Variants in MAGI2 observed in about 807,000 individuals in gnomAD.
MAGI2 encodes membrane-associated guanylate kinase, WW and PDZ domain-containing protein 2.
A neutral mutation model predicts 133.3 loss-of-function variants in MAGI2; 35 were observed. That is an observed-to-expected ratio of 0.26 (90% confidence interval 0.20 to 0.35). The LOEUF (loss-of-function observed/expected upper bound fraction) is 0.35, where lower values mean the gene tolerates loss of function less well. Among genes scored for constraint, MAGI2 ranks in the 10% least tolerant of loss-of-function variants. MAGI2 has a pLI of 1.00. For missense variants in MAGI2, 1,636 were observed against 1,863.4 expected, an observed-to-expected ratio of 0.88 and a Z score of 2.25; for synonymous variants, 729 against 710.6, an observed-to-expected ratio of 1.03 and a Z score of -0.41.
intron 1 of MAGI2, among the ~76,000 whole-genome samples, chr7:79,181,535 A>AT (rs879528430): frequency 6.6e-6 from 1 of 151,278 alleles, no homozygotes; most frequent in African/African-American, 2.4e-5. Flanking sequence ...CCACAAAACT[A>AT]TTTTTTCCCC....
intron 2 of MAGI2, among the ~76,000 whole-genome samples, chr7:78,793,939 A>T (rs1405197556): frequency 6.6e-6 from 1 of 152,210 alleles, no homozygotes; most frequent in Non-Finnish European, 1.5e-5. Context: ...GTATTTAAAC[A>T]AAATATGCTG....
intron 2 of MAGI2, among the ~76,000 whole-genome samples, chr7:78,634,506 A>T (rs1380161568): frequency 2.6e-5 from 4 of 152,186 alleles, no homozygotes; most frequent in Non-Finnish European, 5.9e-5. Flanking sequence ...ATCTGTGAAC[A>T]CCTCTTTGGA....
At chr7:78,579,427 T>C (rs1007534577) in intron 3 of MAGI2, among the ~76,000 whole-genome samples, 1 of 152,142 alleles carries the variant, frequency 6.6e-6, no homozygotes, top group Admixed American at 6.5e-5. Flanking sequence ...CTCTTTGCCT[T>C]CCATTTACCT....
chr7:78,853,099 G>A (rs907568422), intron 2 of MAGI2, among the ~76,000 whole-genome samples: 2 of 151,988 alleles, frequency 1.3e-5, no homozygotes, highest in Non-Finnish European at 2.9e-5. Flanking sequence ...AGGCAAGATG[G>A]AGATCAGGGG....
chr7:78,351,003 T>TA lies in MAGI2; in HGVS notation c.1104-4961dup, dbSNP rs549730689. Among the ~76,000 whole-genome samples, 478 of 152,220 alleles carry TA rather than the reference T, an allele frequency of 3.1e-3. 1 individual carries two copies. Among genetic ancestry groups the TA allele is most frequent in the Non-Finnish European group, 5.0e-3 (341 of 68,008 alleles). Reference sequence around the variant, plus strand: ...CTTGACTTCAGTTAACATTTAGAAATAATCAATGTGGAAGAGAGAAGGGAG... The same window carrying TA: ...CTTGACTTCAGTTAACATTTAGAAATAAATCAATGTGGAAGAGAGAAGGGAG... On this transcript the variant is annotated intron_variant, in intron 7 of 21. Transcript: ENST00000354212.
At chr7:78,442,557 T>G (rs913317233) in intron 6 of MAGI2, among the ~76,000 whole-genome samples, 1 of 152,200 alleles carries the variant, frequency 6.6e-6, no homozygotes, top group African/African-American at 2.4e-5. Flanking sequence ...GGAAACAGAT[T>G]GTGCTTTGCT....
chr7:79,453,537 G>A lies in MAGI2; in HGVS notation c.-217C>T. 1 of 1,360,904 alleles carries A rather than the reference G, an allele frequency of 7.3e-7. No individual in the cohort carries two copies. The highest frequency in any genetic ancestry group is 9.4e-7 in the Non-Finnish European group (1 of 1,060,468). The allele number at this position is 1,360,904 out of a possible 1,614,324, so 84.3% of individuals were successfully genotyped here. On this transcript the variant is annotated 5_prime_UTR_variant, in exon 1 of 22. Transcript: ENST00000354212. Reference sequence around the variant, plus strand: ...GGCTGGGCAGAGGTAGGAGAGCTTGGATGAGGTTGTGCTGTCCCTTGAATG... The same window carrying A: ...GGCTGGGCAGAGGTAGGAGAGCTTGAATGAGGTTGTGCTGTCCCTTGAATG...
intron 2 of MAGI2, among the ~76,000 whole-genome samples, chr7:78,873,313 G>A (rs1180151908): frequency 6.6e-6 from 1 of 152,152 alleles, no homozygotes; most frequent in Non-Finnish European, 1.5e-5. Flanking sequence ...GAATCTGGCT[G>A]CACAGCAGGA....
In MAGI2 at chr7:78,931,036, T is replaced by C. The variant is rs964605254; in HGVS notation, c.418+76054A>G. ...GATAGGAGTAGAAGAAAAAAAGTGA[T>C]CATGAAGAATTAACGCAGAAGCAGT... On this transcript the variant is annotated intron_variant, in intron 2 of 21. Coordinates refer to ENST00000354212, the MANE Select transcript of MAGI2 (RefSeq NM_012301.4). Among the ~76,000 whole-genome samples, 15 of 152,022 alleles carry C rather than the reference T, an allele frequency of 9.9e-5. No homozygotes were observed. In the South Asian group the frequency reaches 1.7e-3, roughly 17 times the overall value.
chr7:78,725,991 G>A (rs1370936793), intron 2 of MAGI2, among the ~76,000 whole-genome samples: 1 of 151,800 alleles, frequency 6.6e-6, no homozygotes, highest in African/African-American at 2.4e-5. Context: ...TAATATAGTT[G>A]CTCAAAAAAA....
rs1034655640 is a variant in MAGI2 at position 78,256,276 on chromosome 7, T to G, written c.1714A>C (p.Met572Leu). The G allele has an allele frequency of 8.7e-6, 14 of 1,613,958 alleles. No individual in the cohort carries two copies. The highest frequency in any genetic ancestry group is 1.2e-5 in the Non-Finnish European group (14 of 1,179,996). The stretch of plus-strand genomic sequence containing the variant: ...CCGTCTAGCTGACCATCAGTTGGCA[T>G]GGAGTGCAGAGAATGAGGCGGCCGA... Reference protein sequence around the residue: ...TDRPPHSLHSMPTDGQLDGTY... With the variant: ...TDRPPHSLHSLPTDGQLDGTY... Residue 572 changes from methionine (M) to leucine (L), a missense_variant, in exon 10 of 22, where the codon ATG (methionine) becomes CTG (leucine). Around this residue, in one of 5 missense-constraint regions of MAGI2, gnomAD observed 920 missense variants for 1,093.5 expected, o/e 0.84. Coordinates refer to ENST00000354212, the MANE Select transcript of MAGI2 (RefSeq NM_012301.4).
At chr7:79,119,804 A>G (rs566735334) in intron 1 of MAGI2, among the ~76,000 whole-genome samples, 46 of 152,178 alleles carry the variant, frequency 3.0e-4, no homozygotes, top group African/African-American at 7.5e-4. Flanking sequence ...TATGTTATTT[A>G]TAATGTATTA....
chr7:78,260,855 GA>G (rs1302755047), intron 9 of MAGI2, among the ~76,000 whole-genome samples: 2 of 151,972 alleles, frequency 1.3e-5, no homozygotes, highest in African/African-American at 4.8e-5. Flanking sequence ...TGTCCTGTAT[GA>G]AAAAAATGTT....
At chr7:78,736,675 G>T (rs191201185) in intron 2 of MAGI2, among the ~76,000 whole-genome samples, 2 of 152,062 alleles carry the variant, frequency 1.3e-5, no homozygotes, top group Admixed American at 1.3e-4. Context: ...TTTGCATGCT[G>T]GTACAGAAGC....
chr7:78,524,130 C>T (rs62468579), intron 3 of MAGI2, among the ~76,000 whole-genome samples: 29,564 of 151,778 alleles, frequency 0.19, 2,920 homozygotes, highest in Middle Eastern at 0.26. Context: ...GCCAAGGAAG[C>T]AGAAGAGATG....
intron 1 of MAGI2, among the ~76,000 whole-genome samples, chr7:79,109,995 C>G (rs1488762572): frequency 6.6e-6 from 1 of 152,220 alleles, no homozygotes; most frequent in Non-Finnish European, 1.5e-5. Context: ...CCTGGCAGAT[C>G]TGGCCCCAGT....
At chr7:78,967,238 A>G (rs927131907) in intron 2 of MAGI2, among the ~76,000 whole-genome samples, 3 of 151,982 alleles carry the variant, frequency 2.0e-5, no homozygotes, top group Non-Finnish European at 4.4e-5. Context: ...CATAGCATCC[A>G]GCTTGTATGT....
chr7:79,447,903 T>C (rs1358619023), intron 1 of MAGI2, among the ~76,000 whole-genome samples: 2 of 151,968 alleles, frequency 1.3e-5, no homozygotes, highest in African/African-American at 4.8e-5. Context: ...ACTTTTATTA[T>C]TGTTATTCTT....
chr7:78,817,432 C>G (rs1259573893), intron 2 of MAGI2, among the ~76,000 whole-genome samples: 1 of 152,120 alleles, frequency 6.6e-6, no homozygotes, highest in Non-Finnish European at 1.5e-5. Context: ...GCATCACATG[C>G]TAGAGAGAAA....
Sources: gnomAD v4.1 joint callset for allele counts (sites outside exome capture counted in the v4.1 genomes callset) on GRCh38, gnomAD v4.1.1 for gene constraint, gnomAD v4.1.1 regional missense constraint, MANE v1.5 for transcripts, NCBI Gene and HGNC (gene_info 2026-07-23, HGNC 2026-07-21) for gene names.